Variants in TIAM1 observed in about 807,000 individuals in gnomAD.
The protein encoded by TIAM1 is rho guanine nucleotide exchange factor TIAM1.
Under a neutral mutation model 163.5 loss-of-function variants are expected in TIAM1, and 65 were observed. The observed-to-expected ratio is 0.40, with a 90% CI of 0.33 to 0.49. TIAM1 has a LOEUF of 0.49. Among genes scored for constraint, TIAM1 ranks in the 20% least tolerant of loss-of-function variants. The probability of loss-of-function intolerance (pLI) is 0.77; values close to 1 mark genes in which losing one functional copy is unlikely to be tolerated. For missense variants in TIAM1, 1,789 were observed against 2,044.7 expected, an observed-to-expected ratio of 0.87 and a Z score of 2.41; for synonymous variants, 833 against 810.1, an observed-to-expected ratio of 1.03 and a Z score of -0.48.
intron 1 of TIAM1, among the ~76,000 whole-genome samples, chr21:31,544,914 G>A (rs1294374479): frequency 6.6e-6 from 1 of 152,102 alleles, no homozygotes; most frequent in Non-Finnish European, 1.5e-5. Context: ...TGGGGAGGCT[G>A]AGGCAGGAGA....
chr21:31,236,416 A>C (rs566114144), intron 6 of TIAM1, among the ~76,000 whole-genome samples: 7 of 152,208 alleles, frequency 4.6e-5, no homozygotes, highest in Non-Finnish European at 8.8e-5. Context: ...AACAGGACTT[A>C]GCTACAGACT....
Position 31,276,753 on chromosome 21 carries a change from C to T in TIAM1, c.-33G>A, listed in dbSNP as rs1601797954. On this transcript the variant is annotated 5_prime_UTR_variant, in exon 3 of 28. An upstream open reading frame in the 5' UTR gains an earlier in-frame stop. Transcript: ENST00000541036. ...CTACCTTAAAAGGCAACAGTGGTCC[C>T]CAGCCCAACTTGCTCCAAGAGCACT... 1.3e-5 allele frequency: 2 copies of T among 152,324 alleles called. No homozygotes were observed. Among genetic ancestry groups the T allele is most frequent in the Admixed American group, 1.3e-4 (2 of 15,300 alleles). The allele number at this position is 152,324 out of a possible 1,614,324, so 9.4% of individuals were successfully genotyped here.
At chr21:31,458,915 T>C (rs1373080958) in intron 2 of TIAM1, among the ~76,000 whole-genome samples, 1 of 152,090 alleles carries the variant, frequency 6.6e-6, no homozygotes, top group Non-Finnish European at 1.5e-5. Flanking sequence ...GGAAGGCCTG[T>C]AGCAGGGGCA....
At chr21:31,200,208 G>A (rs1223860784) in intron 12 of TIAM1, among the ~76,000 whole-genome samples, 1 of 152,120 alleles carries the variant, frequency 6.6e-6, no homozygotes, top group African/African-American at 2.4e-5. Context: ...GTGGTGGTGG[G>A]CAACTCTATT....
chr21:31,245,060 CATT>C (rs2071422205), intron 6 of TIAM1, among the ~76,000 whole-genome samples: 1 of 151,988 alleles, frequency 6.6e-6, no homozygotes, highest in South Asian at 2.1e-4. Context: ...TCTGAGATGT[CATT>C]ATTTTACTTT....
chr21:31,210,685 AAAAGAAAGAAAGAAAGAAAGAG>A, intron 10 of TIAM1, among the ~76,000 whole-genome samples: 2 of 42,648 alleles, frequency 4.7e-5, no homozygotes, highest in South Asian at 1.7e-3. Context: ...GAAAGAAAGA[AAAAGAAAGAAAGAAAGAAAGAG>A]AAAGAAAGAG....
intron 8 of TIAM1, among the ~76,000 whole-genome samples, chr21:31,222,780 C>T (rs2087694940): frequency 7.9e-6 from 1 of 127,162 alleles, no homozygotes; most frequent in Non-Finnish European, 1.6e-5. Flanking sequence ...TGCAGTGGTG[C>T]GACCTTGGTT....
At chr21:31,339,153 A>G in intron 2 of TIAM1, 90 bp downstream of exon 2, 1 of 390,022 alleles carries the variant, frequency 2.6e-6, no homozygotes, top group African/African-American at 2.1e-5. Context: ...CTATTGTCCC[A>G]AAAAAGGTGG....
At chr21:31,532,688 C>T (rs553172322) in intron 1 of TIAM1, among the ~76,000 whole-genome samples, 71 of 152,292 alleles carry the variant, frequency 4.7e-4, no homozygotes, top group African/African-American at 1.6e-3. Context: ...GCTTCAAACA[C>T]GCTTTGTGGG....
intron 1 of TIAM1, among the ~76,000 whole-genome samples, chr21:31,554,746 G>C (rs1160335301): frequency 6.6e-6 from 1 of 152,090 alleles, no homozygotes; most frequent in African/African-American, 2.4e-5. Flanking sequence ...TCAGTGAGCT[G>C]AGACCCCACT....
Position 31,223,560 on chromosome 21 carries a change from A to C in TIAM1, c.1841T>G (p.Phe614Cys). The change falls in exon 8 of 28, where the codon TTC becomes TGC. Residue 614 changes from phenylalanine to cysteine, a missense_variant. Coordinates refer to ENST00000541036, the MANE Select transcript of TIAM1 (RefSeq NM_001353694.2). ...IFVWEQNLEQFQMDLFRFRCY... is the reference protein window; with the variant it reads ...IFVWEQNLEQCQMDLFRFRCY... ...GCGGAAACGAAACAGGTCCATTTGG[A>C]ACTGCTCGAGATTTTGCTCCCAGAC... The C allele has an allele frequency of 6.2e-7, 1 of 1,604,744 alleles. No individual in the cohort carries two copies.
intron 1 of TIAM1, among the ~76,000 whole-genome samples, chr21:31,508,882 C>G (rs1009533420): frequency 3.3e-5 from 5 of 152,096 alleles, no homozygotes; most frequent in African/African-American, 1.2e-4. Flanking sequence ...GAGACCTATG[C>G]GCACACTATT....
chr21:31,233,297 C>T (rs1256855880), intron 6 of TIAM1, among the ~76,000 whole-genome samples: 4 of 152,056 alleles, frequency 2.6e-5, no homozygotes, highest in South Asian at 2.1e-4. Context: ...TTTTAAGAGG[C>T]TAGATAGGAA....
At chr21:31,157,659 C>A (rs1038773891) in intron 16 of TIAM1, among the ~76,000 whole-genome samples, 2 of 151,966 alleles carry the variant, frequency 1.3e-5, no homozygotes, top group African/African-American at 2.4e-5. Context: ...TGAGACATGC[C>A]AATTCATCCC....
Position 31,443,368 on chromosome 21 carries a change from G to T in TIAM1, c.-369+20615C>A, listed in dbSNP as rs186923802. Reference sequence around the variant, plus strand: ...CACAAGACAATTACAGTAGAGATGCGTCCATAACCCAGAGTCTATGGACCA... The same window carrying T: ...CACAAGACAATTACAGTAGAGATGCTTCCATAACCCAGAGTCTATGGACCA... On this transcript the variant is annotated intron_variant, in intron 2 of 28. Transcript: ENST00000286827. 2.5e-3 allele frequency among the ~76,000 whole-genome samples: 375 copies of T among 152,286 alleles called. 1 individual carries two copies. The highest frequency in any genetic ancestry group is 3.7e-3 in the Admixed American group (57 of 15,292).
intron 27 of TIAM1, among the ~76,000 whole-genome samples, chr21:31,121,903 A>G (rs1290117597): frequency 1.3e-5 from 2 of 152,182 alleles, no homozygotes; most frequent in African/African-American, 4.8e-5. Flanking sequence ...ATTAGACACG[A>G]AAAGGTGAAA....
chr21:31,205,744 T>C (rs928783648), intron 11 of TIAM1, among the ~76,000 whole-genome samples: 1 of 152,194 alleles, frequency 6.6e-6, no homozygotes, highest in African/African-American at 2.4e-5. Flanking sequence ...GGTGGGCTAG[T>C]TGCTTAAGCC....
intron 1 of TIAM1, among the ~76,000 whole-genome samples, chr21:31,534,777 A>G (rs1455862823): frequency 6.6e-6 from 1 of 152,182 alleles, no homozygotes; most frequent in Non-Finnish European, 1.5e-5. Flanking sequence ...ATCCTAAAAG[A>G]GTAATCATTG....
intron 2 of TIAM1, among the ~76,000 whole-genome samples, chr21:31,363,675 A>AATCATTC (rs2076447196): frequency 6.6e-6 from 1 of 152,088 alleles, no homozygotes; most frequent in East Asian, 1.9e-4. Context: ...TCACACGATG[A>AATCATTC]ATGTCTTAGA....
Sources: gnomAD v4.1 joint callset for allele counts (sites outside exome capture counted in the v4.1 genomes callset) on GRCh38, gnomAD v4.1.1 for gene constraint, MANE v1.5 for transcripts, NCBI Gene and HGNC (gene_info 2026-07-23, HGNC 2026-07-21) for gene names.